The following PRKG1 variants were observed in gnomAD, a reference collection of about 807,000 sequenced individuals.
PRKG1 encodes cGMP-dependent protein kinase 1.
PRKG1 carries 35 observed loss-of-function variants against 88.1 expected under a neutral mutation model. That is an observed-to-expected ratio of 0.40 (90% CI 0.30 to 0.53). PRKG1 has a LOEUF of 0.53. Ranked by LOEUF, PRKG1 falls within the 20% of genes least tolerant of loss-of-function variation. PRKG1 has a pLI of 0.59. For synonymous variants in PRKG1, 303 were observed against 292.5 expected, an observed-to-expected ratio of 1.04 and a Z score of -0.37; for missense variants, 540 against 839.8, an observed-to-expected ratio of 0.64 and a Z score of 4.41.
intron 5 of PRKG1, among the ~76,000 whole-genome samples, chr10:51,955,349 C>T (rs1248773811): frequency 2.6e-5 from 4 of 151,946 alleles, no homozygotes; most frequent in Non-Finnish European, 5.9e-5. Context: ...TTTCTTTTCA[C>T]GGAAAAAGAC....
At chr10:52,132,591 A>C (rs7898110) in intron 7 of PRKG1, among the ~76,000 whole-genome samples, 50,888 of 151,810 alleles carry the variant, frequency 0.34, 8,898 homozygotes, top group African/African-American at 0.43. Context: ...TATTCTCAAA[A>C]CTTTAAGAGC....
At chr10:51,173,980 A>G (rs1284289408) in intron 2 of PRKG1, among the ~76,000 whole-genome samples, 2 of 151,992 alleles carry the variant, frequency 1.3e-5, no homozygotes, top group East Asian at 3.9e-4. Flanking sequence ...CTTCTGTTCA[A>G]TTATCTTTGT....
intron 1 of PRKG1, among the ~76,000 whole-genome samples, chr10:51,124,054 T>A (rs961330462): frequency 1.1e-4 from 16 of 152,200 alleles, no homozygotes; most frequent in Admixed American, 2.0e-4. Flanking sequence ...TACTGGAGAT[T>A]AGAATTCAAC....
intron 5 of PRKG1, among the ~76,000 whole-genome samples, chr10:51,999,655 T>C (rs940144173): frequency 7.9e-5 from 12 of 152,228 alleles, no homozygotes; most frequent in Non-Finnish European, 1.5e-4. Context: ...TTCTTTTCTT[T>C]AGAATACTTT....
chr10:52,128,593 T>A (rs1021562981), intron 7 of PRKG1: 1 of 983,824 alleles, frequency 1.0e-6, no homozygotes, highest in Non-Finnish European at 1.2e-6. Context: ...TTTTTCATGC[T>A]CTATTGTTTC....
intron 4 of PRKG1, among the ~76,000 whole-genome samples, chr10:51,852,126 GAT>G (rs1004513277): frequency 1.3e-5 from 2 of 148,494 alleles, no homozygotes. Flanking sequence ...ATTTACATAT[GAT>G]ATATATATAA....
chr10:51,986,255 CTG>C (rs1844155037), intron 5 of PRKG1, among the ~76,000 whole-genome samples: 2 of 152,166 alleles, frequency 1.3e-5, no homozygotes, highest in Non-Finnish European at 2.9e-5. Context: ...AAGAAAGTTT[CTG>C]AAACTAGGAA....
chr10:51,200,004 AC>A (rs548045445), intron 2 of PRKG1, among the ~76,000 whole-genome samples: 158 of 152,344 alleles, frequency 1.0e-3, no homozygotes, highest in Non-Finnish European at 2.0e-3. Flanking sequence ...AAGAAAGCCT[AC>A]AAAACACTAG....
chr10:51,510,869 A>C (rs956362696), intron 3 of PRKG1, among the ~76,000 whole-genome samples: 1 of 149,448 alleles, frequency 6.7e-6, no homozygotes, highest in Non-Finnish European at 1.5e-5. Flanking sequence ...TCAGCCTCCC[A>C]AGTAGCTGGG....
rs868122334 is a variant in PRKG1, at chr10:51,672,306, G to A, written c.593-132279G>A. 4.6e-5 allele frequency among the ~76,000 whole-genome samples: 7 copies of A among 151,814 alleles called. No homozygotes were observed. The Middle Eastern group carries it at 0.01, about 226-fold the overall frequency. ...CTATATTGTATATCTCCTTAACTCT[G>A]TATTTTATTCTGGATAATTTCTTCA... On this transcript the variant is annotated intron_variant, in intron 3 of 17. Coordinates refer to ENST00000373980, the MANE Select transcript of PRKG1 (RefSeq NM_006258.4).
At chr10:51,410,916 A>T (rs1588929861) in intron 2 of PRKG1, among the ~76,000 whole-genome samples, 1 of 151,992 alleles carries the variant, frequency 6.6e-6, no homozygotes, top group African/African-American at 2.4e-5. Context: ...ATTTATTTTT[A>T]AATTCTTTTG....
chr10:51,531,403 C>T (rs953116574), intron 3 of PRKG1, among the ~76,000 whole-genome samples: 4 of 152,096 alleles, frequency 2.6e-5, no homozygotes, highest in African/African-American at 4.8e-5. Flanking sequence ...ACTGAAGCTC[C>T]GGTTGTAGAA....
intron 9 of PRKG1, among the ~76,000 whole-genome samples, chr10:52,221,509 T>C (rs901305248): frequency 5.3e-5 from 8 of 152,146 alleles, no homozygotes; most frequent in African/African-American, 1.7e-4. Flanking sequence ...TGGTACTTAA[T>C]TTTTTGCATA....
intron 5 of PRKG1, among the ~76,000 whole-genome samples, chr10:51,941,756 A>T (rs1301629243): frequency 6.6e-6 from 1 of 151,772 alleles, no homozygotes; most frequent in Non-Finnish European, 1.5e-5. Context: ...TTCCAATTTC[A>T]TCCATGTCCC....
At chr10:51,844,658 T>C (rs1840356813) in intron 4 of PRKG1, among the ~76,000 whole-genome samples, 2 of 152,150 alleles carry the variant, frequency 1.3e-5, no homozygotes, top group Admixed American at 6.6e-5. Context: ...ATAGATGTGG[T>C]TTACTAACAG....
At chr10:51,186,668 C>T (rs1837494885) in intron 2 of PRKG1, among the ~76,000 whole-genome samples, 1 of 151,838 alleles carries the variant, frequency 6.6e-6, no homozygotes, top group Non-Finnish European at 1.5e-5. Flanking sequence ...GCTTCCTCTG[C>T]TTGACTTTGT....
chr10:51,733,436 G>C (rs1024468391), intron 3 of PRKG1, among the ~76,000 whole-genome samples: 1 of 152,110 alleles, frequency 6.6e-6, no homozygotes, highest in Admixed American at 6.5e-5. Flanking sequence ...TAATAGGAAC[G>C]TCTTGAACCA....
intron 2 of PRKG1, among the ~76,000 whole-genome samples, chr10:51,224,043 A>G (rs1355574989): frequency 1.3e-5 from 2 of 152,192 alleles, no homozygotes; most frequent in Non-Finnish European, 2.9e-5. Context: ...ATAAGGACAC[A>G]TAGACCAGAA....
chr10:52,193,033 C>T (rs956958673), intron 9 of PRKG1, among the ~76,000 whole-genome samples: 1 of 151,994 alleles, frequency 6.6e-6, no homozygotes, highest in African/African-American at 2.4e-5. Context: ...GCAGGAAGTG[C>T]AGTAGTTAAG....
Sources: allele counts gnomAD v4.1 joint callset (sites outside exome capture counted in the v4.1 genomes callset), GRCh38; gene constraint gnomAD v4.1.1; transcripts MANE v1.5; gene names NCBI Gene and HGNC (gene_info 2026-07-23, HGNC 2026-07-21).